SHISA9: variants seen among roughly 807,000 people sequenced by gnomAD.
SHISA9 encodes protein shisa-9.
A neutral mutation model predicts 38.0 loss-of-function variants in SHISA9; 13 were observed. The observed-to-expected ratio is 0.34, with a 90% confidence interval of 0.22 to 0.54. The LOEUF (loss-of-function observed/expected upper bound fraction) is 0.54. SHISA9 is among the 20% of genes least tolerant of loss of function. The pLI is 0.91. For missense variants in SHISA9, 538 were observed against 575.8 expected, an observed-to-expected ratio of 0.93 and a Z score of 0.67; for synonymous variants, 275 against 242.0, an observed-to-expected ratio of 1.14 and a Z score of -1.27.
At chr16:13,188,378 T>C (rs1267173005) in intron 2 of SHISA9, among the ~76,000 whole-genome samples, 1 of 152,120 alleles carries the variant, frequency 6.6e-6, no homozygotes. Flanking sequence ...GGCTAAGTAC[T>C]GGAAATGGAA....
chr16:13,441,213 C>T, the SHISA9 span, among the ~76,000 whole-genome samples: 5 of 152,190 alleles, frequency 3.3e-5, no homozygotes, highest in East Asian at 1.9e-4. Context: ...GAGAAGGAAA[C>T]GTAAACAACA....
the SHISA9 span, among the ~76,000 whole-genome samples, chr16:13,415,661 A>C: frequency 6.6e-6 from 1 of 152,222 alleles, no homozygotes; most frequent in Non-Finnish European, 1.5e-5. Context: ...TCTGTTTATG[A>C]GCCTAAGATT....
intron 2 of SHISA9, among the ~76,000 whole-genome samples, chr16:13,159,743 T>A (rs1366175839): frequency 6.6e-6 from 1 of 152,234 alleles, no homozygotes; most frequent in Non-Finnish European, 1.5e-5. Flanking sequence ...GTTCACATCA[T>A]TTGCCCATTC....
chr16:13,414,070 G>A, the SHISA9 span, among the ~76,000 whole-genome samples: 1 of 152,152 alleles, frequency 6.6e-6, no homozygotes, highest in South Asian at 2.1e-4. Flanking sequence ...CCTTCTGATG[G>A]TCTTTTCCCC....
the SHISA9 span, among the ~76,000 whole-genome samples, chr16:13,373,263 A>G: frequency 6.6e-6 from 1 of 152,250 alleles, no homozygotes; most frequent in Non-Finnish European, 1.5e-5. Context: ...CTGATTCGCC[A>G]TAAAACATAG....
chr16:13,273,276 G>C, the SHISA9 span, among the ~76,000 whole-genome samples: 95 of 152,256 alleles, frequency 6.2e-4, no homozygotes, highest in African/African-American at 2.2e-3. Context: ...CAAAATCTCA[G>C]ATCTGTGACT....
chr16:13,174,837 T>G (rs1377923529), intron 2 of SHISA9, among the ~76,000 whole-genome samples: 1 of 152,182 alleles, frequency 6.6e-6, no homozygotes, highest in Non-Finnish European at 1.5e-5. Context: ...CCAAGGCAGC[T>G]CTGAGATAGA....
At chr16:13,417,953 T>A in the SHISA9 span, among the ~76,000 whole-genome samples, 1 of 152,254 alleles carries the variant, frequency 6.6e-6, no homozygotes, top group Non-Finnish European at 1.5e-5. Context: ...AATGATACCC[T>A]ACCTAAACCC....
chr16:13,318,947 C>T, the SHISA9 span, among the ~76,000 whole-genome samples: 3 of 152,242 alleles, frequency 2.0e-5, no homozygotes, highest in African/African-American at 7.2e-5. Context: ...TGTACCTTCT[C>T]AGTCTTTTGC....
the SHISA9 span, among the ~76,000 whole-genome samples, chr16:13,475,631 G>A: frequency 6.6e-6 from 1 of 152,082 alleles, no homozygotes; most frequent in Non-Finnish European, 1.5e-5. Context: ...CAGGTTGTTG[G>A]GGGATGGTTT....
chr16:13,097,983 C>T (rs1009605902), intron 2 of SHISA9, among the ~76,000 whole-genome samples: 2 of 152,186 alleles, frequency 1.3e-5, no homozygotes, highest in Non-Finnish European at 2.9e-5. Flanking sequence ...TGAGCACTTA[C>T]TATGTGTGAA....
chr16:13,096,683 T>G (rs1240880877), intron 2 of SHISA9, among the ~76,000 whole-genome samples: 1 of 152,090 alleles, frequency 6.6e-6, no homozygotes, highest in African/African-American at 2.4e-5. Flanking sequence ...CAAGGCAGAG[T>G]CTATCTTGGA....
the SHISA9 span, among the ~76,000 whole-genome samples, chr16:13,376,909 T>G: frequency 3.3e-5 from 5 of 152,138 alleles, no homozygotes; most frequent in Non-Finnish European, 4.4e-5. Flanking sequence ...ACTCCTGCAC[T>G]CAAGTGATCC....
chr16:13,312,176 T>C, the SHISA9 span, among the ~76,000 whole-genome samples: 4 of 152,230 alleles, frequency 2.6e-5, no homozygotes, highest in Non-Finnish European at 4.4e-5. Context: ...CTGTGGTGTT[T>C]GCACAATGCC....
chr16:13,188,943 A>G (rs1474919023), intron 2 of SHISA9, among the ~76,000 whole-genome samples: 3 of 152,126 alleles, frequency 2.0e-5, no homozygotes, highest in Admixed American at 1.3e-4. Flanking sequence ...TGGTCTCCTT[A>G]TAACAAAGGG....
At chr16:13,420,613 A>G in the SHISA9 span, among the ~76,000 whole-genome samples, 1 of 152,182 alleles carries the variant, frequency 6.6e-6, no homozygotes, top group Non-Finnish European at 1.5e-5. Context: ...ATTTCAAAGC[A>G]CAGAAGGGAG....
At chr16:13,314,063 C>T in the SHISA9 span, among the ~76,000 whole-genome samples, 8 of 152,056 alleles carry the variant, frequency 5.3e-5, no homozygotes, top group Non-Finnish European at 1.2e-4. Context: ...GGTGGGTTCC[C>T]AGCCTCTTCT....
At chr16:13,224,965 C>T (rs2051264724) in intron 4 of SHISA9, among the ~76,000 whole-genome samples, 2 of 152,228 alleles carry the variant, frequency 1.3e-5, no homozygotes, top group East Asian at 1.9e-4. Flanking sequence ...CCATTCAGAA[C>T]CTCAGGCTGG....
intron 2 of SHISA9, among the ~76,000 whole-genome samples, chr16:13,148,474 C>A (rs2050467623): frequency 6.6e-6 from 1 of 152,002 alleles, no homozygotes; most frequent in African/African-American, 2.4e-5. Flanking sequence ...AACATATATA[C>A]CTCACACTCA....
Sources: allele counts gnomAD v4.1 joint callset (sites outside exome capture counted in the v4.1 genomes callset), GRCh38; gene constraint gnomAD v4.1.1; transcripts MANE v1.5; gene names NCBI Gene and HGNC (gene_info 2026-07-23, HGNC 2026-07-21).